Variants in IGSF3 observed in about 807,000 individuals in gnomAD.
The protein encoded by IGSF3 is immunoglobulin superfamily member 3.
In IGSF3, 23 loss-of-function variants were observed where a neutral mutation model predicts 114.4. That is an observed-to-expected ratio of 0.20 (90% CI 0.14 to 0.28). The LOEUF is 0.28. IGSF3 is among the 10% of genes least tolerant of loss of function. The pLI, the probability that IGSF3 is intolerant of heterozygous loss-of-function variation, is 1.00. For synonymous variants in IGSF3, 571 were observed against 645.2 expected (o/e 0.88, Z 1.74); for missense variants, 1,172 against 1,591.5 (o/e 0.74, Z 4.48).
Position 116,603,861 on chromosome 1 carries a change from G to C in IGSF3, c.1387C>G (p.Leu463Val). 6.2e-7 allele frequency: 1 copy of C among 1,614,040 alleles called. No individual in the cohort carries two copies. Reference protein sequence around the residue: ...RQNRRSNIMWLDRDGTVQPGS... With the variant: ...RQNRRSNIMWVDRDGTVQPGS... ...GGCTGCACGGTGCCATCCCGGTCTA[G>C]CCACATGATATTGCTGCGGCGGTTC... The change falls in exon 6 of 11, where the codon CTA becomes GTA. Residue 463 changes from leucine (L) to valine (V), a missense_variant. Coordinates refer to ENST00000369486, the MANE Select transcript of IGSF3 (RefSeq NM_001007237.3). The surrounding 1 kb of genome is among the most constrained non-coding windows in gnomAD (Gnocchi z 7.1).
At chr1:116,609,949 T>C (rs1247415872) in intron 4 of IGSF3, among the ~76,000 whole-genome samples, 2 of 152,078 alleles carry the variant, frequency 1.3e-5, no homozygotes, top group Non-Finnish European at 2.9e-5. Flanking sequence ...ACCCCTTCTT[T>C]CCAGTGACCT....
Position 116,607,154 on chromosome 1 carries a change from A to G in IGSF3, c.1222+788T>C, listed in dbSNP as rs1177585768. 6.6e-6 allele frequency among the ~76,000 whole-genome samples: 1 copy of G among 152,246 alleles called. No homozygotes were observed. Among genetic ancestry groups the G allele is most frequent in the South Asian group, 2.1e-4 (1 of 4,834 alleles). On this transcript the variant is annotated intron_variant, in intron 5 of 10. Coordinates refer to ENST00000369486, the MANE Select transcript of IGSF3 (RefSeq NM_001007237.3). This position sits in a 1 kb window ranked among gnomAD's most constrained non-coding sequence, Gnocchi z 6.1. ...ACCACTTGTTTAAAATCAGAGCATT[A>G]TAGGTTTTTATTCTCTTTACTAAAA...
chr1:116,604,672 C>T (rs1372468402), intron 5 of IGSF3, among the ~76,000 whole-genome samples: 1 of 152,180 alleles, frequency 6.6e-6, no homozygotes, highest in Non-Finnish European at 1.5e-5. Flanking sequence ...AAGCCAGCAG[C>T]TCGTCATCCA....
At chr1:116,656,658 C>T (rs1022533863) in intron 2 of IGSF3, among the ~76,000 whole-genome samples, 1 of 152,138 alleles carries the variant, frequency 6.6e-6, no homozygotes, top group African/African-American at 2.4e-5. Context: ...GGCACAGTGG[C>T]TCACGCCTGT....
At position 116,624,860 on chromosome 1, in the gene IGSF3, T is replaced by G. The variant is rs1661527743; in HGVS notation, c.44-8403A>C. Among the ~76,000 whole-genome samples the G allele has an allele frequency of 1.3e-5, 2 of 152,120 alleles. No individual in the cohort carries two copies. The highest frequency in any genetic ancestry group is 1.3e-4 in the Admixed American group (2 of 15,282). The stretch of plus-strand genomic sequence containing the variant: ...ACATGGAGAGGCCCTGGGCAGGTGC[T>G]CCAGTCCAGAGCTGGCTCCAGCCAG... On this transcript the variant is annotated intron_variant, in intron 2 of 10. Coordinates refer to ENST00000369486, the MANE Select transcript of IGSF3 (RefSeq NM_001007237.3). The surrounding 1 kb of genome is among the most constrained non-coding windows in gnomAD (Gnocchi z 4.9).
chr1:116,645,227 C>T (rs1375149606), intron 2 of IGSF3, among the ~76,000 whole-genome samples: 3 of 152,236 alleles, frequency 2.0e-5, no homozygotes, highest in Non-Finnish European at 4.4e-5. Context: ...CTCAAAAGCA[C>T]TGTGCTGAGT....
Position 116,600,840 on chromosome 1 carries a change from C to G in IGSF3, c.1625-495G>C, listed in dbSNP as rs957166842. ...AGCAGATGGAGTCGGCCTCCAGTCCCTTTCTCACGTCCCTCATGAAATCCA... is the reference window on the plus strand; with the variant it reads ...AGCAGATGGAGTCGGCCTCCAGTCCGTTTCTCACGTCCCTCATGAAATCCA... On this transcript the variant is annotated intron_variant, in intron 6 of 10. Coordinates refer to ENST00000369486, the MANE Select transcript of IGSF3 (RefSeq NM_001007237.3). This position sits in a 1 kb window ranked among gnomAD's most constrained non-coding sequence, Gnocchi z 5.5. Among the ~76,000 whole-genome samples, 1 of 152,152 alleles carries G rather than the reference C, an allele frequency of 6.6e-6. No individual in the cohort carries two copies. Among genetic ancestry groups the G allele is most frequent in the African/African-American group, 2.4e-5 (1 of 41,432 alleles).
At chr1:116,619,017 T>A (rs954410510) in intron 2 of IGSF3, among the ~76,000 whole-genome samples, 87 of 151,736 alleles carry the variant, frequency 5.7e-4, no homozygotes, top group African/African-American at 2.1e-3. Context: ...TTAATTAGGA[T>A]TTTTTTTTGA....
chr1:116,656,000 C>A lies in IGSF3; in HGVS notation c.43+10284G>T, dbSNP rs1648829977. On this transcript the variant is annotated intron_variant, in intron 2 of 10. Transcript: ENST00000369486. This position sits in a 1 kb window ranked among gnomAD's most constrained non-coding sequence, Gnocchi z 4.3. ...TAGTTATTGAAGGAGGCTCACTACT[C>A]CCCAATGATTTCACAAATTACAGCT... Among the ~76,000 whole-genome samples the A allele has an allele frequency of 6.6e-6, 1 of 152,086 alleles. No individual in the cohort carries two copies. Among genetic ancestry groups the A allele is most frequent in the Non-Finnish European group, 1.5e-5 (1 of 68,022 alleles).
rs530129692 is a variant in IGSF3 at position 116,578,221 on chromosome 1, C to T, written c.3335-659G>A. On this transcript the variant is annotated intron_variant, in intron 10 of 10. Transcript: ENST00000369486. ...TGGCAGGAGCCTAGCCTCTGGGAGC[C>T]CCTGTTTTCTCTGTAAAATAAGGCT... Among the ~76,000 whole-genome samples, 6 of 152,184 alleles carry T rather than the reference C, an allele frequency of 3.9e-5. No individual in the cohort carries two copies. In the South Asian group the frequency reaches 8.3e-4, roughly 21 times the overall value.
intron 2 of IGSF3, among the ~76,000 whole-genome samples, chr1:116,619,633 A>G (rs4044816): frequency 1.5e-4 from 23 of 152,132 alleles, no homozygotes; most frequent in Non-Finnish European, 3.2e-4. Context: ...CCCCTATAAT[A>G]GTAATACCCT....
rs983280535 is a variant in IGSF3 at position 116,592,307 on chromosome 1, C to A, written c.2030-3203G>T. ...AAAGAAAAGAGTGAGGCTTGGTTAA[C>A]CCCCAACAGTGAATTGGCAGGAGGA... On this transcript the variant is annotated intron_variant, in intron 7 of 10. Transcript: ENST00000369486. This position sits in a 1 kb window ranked among gnomAD's most constrained non-coding sequence, Gnocchi z 4.5. Among the ~76,000 whole-genome samples, 17 of 152,180 alleles carry A rather than the reference C, an allele frequency of 1.1e-4. No homozygotes were observed. The highest frequency in any genetic ancestry group is 1.1e-3 in the Admixed American group (17 of 15,284).
At chr1:116,652,365 A>C (rs1175285675) in intron 2 of IGSF3, among the ~76,000 whole-genome samples, 1 of 152,240 alleles carries the variant, frequency 6.6e-6, no homozygotes, top group Non-Finnish European at 1.5e-5. Flanking sequence ...AGTTTGAGTT[A>C]CAGTATTTAC....
chr1:116,611,797 A>G (rs1661033723), intron 4 of IGSF3, among the ~76,000 whole-genome samples: 1 of 151,998 alleles, frequency 6.6e-6, no homozygotes, highest in Non-Finnish European at 1.5e-5. Flanking sequence ...ACTCTATACA[A>G]ATGCTATCAA....
rs558737558 is a variant in IGSF3, at chr1:116,586,230, TC to T, written c.2441-1179del. ...CATGATTACTTTTGTAATTAAAAAG[TC>T]AGAAAATATAAAATAACAAAATATA... On this transcript the variant is annotated intron_variant, in intron 8 of 10. Coordinates refer to ENST00000369486, the MANE Select transcript of IGSF3 (RefSeq NM_001007237.3). Among the ~76,000 whole-genome samples, 140 of 152,332 alleles carry T rather than the reference TC, an allele frequency of 9.2e-4. 2 individuals carry two copies. Among genetic ancestry groups the T allele is most frequent in the African/African-American group, 3.3e-3 (136 of 41,578 alleles).
intron 4 of IGSF3, among the ~76,000 whole-genome samples, chr1:116,613,014 CCT>C (rs1661082562): frequency 1.3e-5 from 2 of 152,204 alleles, no homozygotes; most frequent in South Asian, 4.1e-4. Context: ...CATGCAACCT[CCT>C]CAGGACCCCT....
rs188594745 is a variant in IGSF3 at position 116,627,251 on chromosome 1, A to G, written c.44-10794T>C. Among the ~76,000 whole-genome samples, 56 of 152,292 alleles carry G rather than the reference A, an allele frequency of 3.7e-4. No individual in the cohort carries two copies. Among genetic ancestry groups the G allele is most frequent in the Admixed American group, 2.3e-3 (35 of 15,304 alleles). On this transcript the variant is annotated intron_variant, in intron 2 of 10. Transcript: ENST00000369486. The surrounding 1 kb of genome is among the most constrained non-coding windows in gnomAD (Gnocchi z 4.7). Reference sequence around the variant, plus strand: ...AAAAGGACCATCACTCGAACCAGTAAGTGCCTCATTCCTTCTCACAGCATA... The same window carrying G: ...AAAAGGACCATCACTCGAACCAGTAGGTGCCTCATTCCTTCTCACAGCATA...
In IGSF3 at chr1:116,613,957, G is replaced by T. The variant is rs1352756720; in HGVS notation, c.640C>A (p.Gln214Lys). Residue 214 changes from glutamine to lysine, a missense_variant, in exon 4 of 11, where the codon CAG becomes AAG. By Grantham distance (53) the Gln-to-Lys change is moderately conservative. Around this residue, in one of 3 missense-constraint regions of IGSF3, gnomAD observed 736 missense variants for 1,042.0 expected, o/e 0.71. Transcript: ENST00000369486. The part of the protein sequence containing the change: ...LHSSSEYAQR[Q>K]SLGEVRLDKL... ...TCCAGCCGCACCTCCCCCAGGCTCTGCCTCTGGGCATATTCGCTGCTGGAG... is the reference window on the plus strand; with the variant it reads ...TCCAGCCGCACCTCCCCCAGGCTCTTCCTCTGGGCATATTCGCTGCTGGAG... The T allele has an allele frequency of 6.2e-7, 1 of 1,613,964 alleles. No individual in the cohort carries two copies. The highest frequency in any genetic ancestry group is 1.1e-5 in the South Asian group (1 of 91,080).
In IGSF3 at chr1:116,666,310, G is replaced by C. The variant is rs757595219; in HGVS notation, c.17C>G (p.Pro6Arg). The change falls in exon 2 of 11, where the codon CCG becomes CGG. Residue 6 changes from proline to arginine, a missense_variant. By Grantham distance (103) the Pro-to-Arg change is moderately radical. Coordinates refer to ENST00000369486, the MANE Select transcript of IGSF3 (RefSeq NM_001007237.3). ...CAGCACAGCCAGACAGCTCAGCACC[G>C]GGAAAAAGCACTTCATGTCGGCAGC... MKCFF[P>R]VLSCLAVLGV... The C allele has an allele frequency of 6.2e-7, 1 of 1,613,978 alleles. No homozygotes were observed. The highest frequency in any genetic ancestry group is 1.3e-5 in the African/African-American group (1 of 74,910).
Sources: allele counts gnomAD v4.1 joint callset (sites outside exome capture counted in the v4.1 genomes callset), GRCh38; gene constraint gnomAD v4.1.1; regional missense constraint gnomAD v4.1.1; non-coding constraint Gnocchi (gnomAD v3.1); transcripts MANE v1.5; gene names NCBI Gene and HGNC (gene_info 2026-07-23, HGNC 2026-07-21).